Variants in MCTP1 observed in about 807,000 individuals in gnomAD.
The protein encoded by MCTP1 is multiple C2 and transmembrane domain containing 1, also known as multiple C2 and transmembrane domain-containing protein 1.
A neutral mutation model predicts 120.6 loss-of-function variants in MCTP1; 69 were observed. That is an observed-to-expected ratio of 0.57 (90% CI 0.47 to 0.70). The LOEUF is 0.70. MCTP1 is among the 30% of genes least tolerant of loss of function. The pLI is 0.00. For synonymous variants in MCTP1, 529 were observed against 493.1 expected (o/e 1.07, Z -0.96); for missense variants, 1,203 against 1,248.8 (o/e 0.96, Z 0.55).
intron 1 of MCTP1, among the ~76,000 whole-genome samples, chr5:95,120,219 A>G (rs1264547395): frequency 6.6e-6 from 1 of 151,442 alleles, no homozygotes; most frequent in Non-Finnish European, 1.5e-5. Context: ...AAAGTCCAGG[A>G]CTCAGTAGCT....
intron 19 of MCTP1, among the ~76,000 whole-genome samples, chr5:94,761,381 A>C (rs771762550): frequency 6.6e-6 from 1 of 152,238 alleles, no homozygotes; most frequent in Non-Finnish European, 1.5e-5. Flanking sequence ...TCTTATCTAC[A>C]AGCAAGATAA....
At chr5:94,713,684 C>T (rs1004192571) in intron 20 of MCTP1, among the ~76,000 whole-genome samples, 5 of 152,104 alleles carry the variant, frequency 3.3e-5, no homozygotes, top group African/African-American at 1.2e-4. Flanking sequence ...AAATCCAAGA[C>T]TGAATGTTTC....
intron 17 of MCTP1, among the ~76,000 whole-genome samples, chr5:94,855,048 C>A (rs1794476497): frequency 6.6e-6 from 1 of 151,744 alleles, no homozygotes; most frequent in African/African-American, 2.4e-5. Context: ...CAATGTCATT[C>A]TAAACTAAAA....
At chr5:95,020,491 C>T (rs1390055711) in intron 1 of MCTP1, among the ~76,000 whole-genome samples, 2 of 151,908 alleles carry the variant, frequency 1.3e-5, no homozygotes, top group Non-Finnish European at 2.9e-5. Flanking sequence ...TTTAAAATGG[C>T]ATATAGAACA....
intron 1 of MCTP1, among the ~76,000 whole-genome samples, chr5:95,101,985 A>T (rs971731037): frequency 6.6e-6 from 1 of 152,070 alleles, no homozygotes; most frequent in African/African-American, 2.4e-5. Context: ...TTTCCTCACC[A>T]CTTGTGGTAA....
intron 1 of MCTP1, among the ~76,000 whole-genome samples, chr5:95,174,650 C>T (rs1159068605): frequency 6.6e-6 from 1 of 152,132 alleles, no homozygotes; most frequent in Non-Finnish European, 1.5e-5. Flanking sequence ...TGCCTCACAG[C>T]GTAATTCACA....
At chr5:94,770,107 A>G (rs1392851244) in intron 19 of MCTP1, among the ~76,000 whole-genome samples, 1 of 152,206 alleles carries the variant, frequency 6.6e-6, no homozygotes, top group East Asian at 1.9e-4. Context: ...CAGGCGGAAT[A>G]AAAATCTTGG....
intron 1 of MCTP1, among the ~76,000 whole-genome samples, chr5:95,039,296 G>C (rs1465273309): frequency 6.6e-6 from 1 of 152,194 alleles, no homozygotes; most frequent in Non-Finnish European, 1.5e-5. Flanking sequence ...AAGGAGAAAA[G>C]TTCTGGACAG....
chr5:94,727,333 T>C (rs1762324796), intron 19 of MCTP1, among the ~76,000 whole-genome samples: 1 of 152,194 alleles, frequency 6.6e-6, no homozygotes, highest in African/African-American at 2.4e-5. Context: ...CTTATTATTT[T>C]TTTTCCCCAA....
chr5:95,038,072 T>C, intron 1 of MCTP1: 1 of 965,858 alleles, frequency 1.0e-6, no homozygotes. Flanking sequence ...AACTCACGTG[T>C]ATTTTATCCT....
chr5:95,046,829 C>T (rs1300326368), intron 1 of MCTP1, among the ~76,000 whole-genome samples: 2 of 152,124 alleles, frequency 1.3e-5, no homozygotes, highest in African/African-American at 4.8e-5. Context: ...CTGTGAATTC[C>T]TAGAGGCCAG....
intron 19 of MCTP1, among the ~76,000 whole-genome samples, chr5:94,754,372 A>C (rs953502924): frequency 1.3e-5 from 2 of 152,214 alleles, no homozygotes; most frequent in Non-Finnish European, 2.9e-5. Flanking sequence ...TTGGCTATGC[A>C]TAGTAAAAAG....
intron 1 of MCTP1, among the ~76,000 whole-genome samples, chr5:95,281,144 T>C (rs1173150073): frequency 1.3e-5 from 2 of 152,250 alleles, no homozygotes; most frequent in Non-Finnish European, 2.9e-5. Flanking sequence ...CTTTCTTGAG[T>C]ACTGTGCTTG....
chr5:95,067,342 C>T (rs1005147991), intron 1 of MCTP1, among the ~76,000 whole-genome samples: 1 of 151,992 alleles, frequency 6.6e-6, no homozygotes, highest in Admixed American at 6.6e-5. Context: ...AGCTAATTAC[C>T]CTGATTTGAT....
chr5:94,972,098 C>T (rs1309747272), intron 2 of MCTP1, among the ~76,000 whole-genome samples: 1 of 152,080 alleles, frequency 6.6e-6, no homozygotes, highest in African/African-American at 2.4e-5. Context: ...TCCTCTAAGT[C>T]CTAATGGAAT....
chr5:95,209,816 T>C lies in MCTP1; in HGVS notation c.720+74040A>G, dbSNP rs564518640. ...TTTCTCTTGTGGGCATTTAGTGCTATAAATTTCCCTCTACACACTGCTATG... is the reference window on the plus strand; with the variant it reads ...TTTCTCTTGTGGGCATTTAGTGCTACAAATTTCCCTCTACACACTGCTATG... On this transcript the variant is annotated intron_variant, in intron 1 of 22. Transcript: ENST00000515393. 1.8e-4 allele frequency among the ~76,000 whole-genome samples: 27 copies of C among 152,334 alleles called. No homozygotes were observed. In the South Asian group the frequency reaches 4.6e-3, roughly 26 times the overall value.
At chr5:95,115,054 C>T (rs1474280299) in intron 1 of MCTP1, among the ~76,000 whole-genome samples, 3 of 152,154 alleles carry the variant, frequency 2.0e-5, no homozygotes, top group Non-Finnish European at 4.4e-5. Context: ...TCTTCAGGAA[C>T]CACAGAATTA....
chr5:94,950,946 C>CA (rs1186726298), intron 3 of MCTP1, among the ~76,000 whole-genome samples: 23,068 of 107,100 alleles, frequency 0.22, 2,170 homozygotes, highest in Non-Finnish European at 0.26. Flanking sequence ...GACTCTGTCT[C>CA]AAAAAAAAAA....
At chr5:95,126,118 A>G (rs1331949332) in intron 1 of MCTP1, among the ~76,000 whole-genome samples, 1 of 152,194 alleles carries the variant, frequency 6.6e-6, no homozygotes, top group African/African-American at 2.4e-5. Context: ...TGGGGGGAGA[A>G]AAGGGAGGGA....
Sources: allele counts gnomAD v4.1 joint callset (sites outside exome capture counted in the v4.1 genomes callset), GRCh38; gene constraint gnomAD v4.1.1; transcripts MANE v1.5; gene names NCBI Gene and HGNC (gene_info 2026-07-23, HGNC 2026-07-21).